LMNB1: variants seen among roughly 807,000 people sequenced by gnomAD.
LMNB1 encodes lamin B1.
A neutral mutation model predicts 67.1 loss-of-function variants in LMNB1; 23 were observed. The observed-to-expected ratio is 0.34, with a 90% CI of 0.25 to 0.49. The LOEUF (loss-of-function observed/expected upper bound fraction) is 0.49. LMNB1 is among the 20% of genes least tolerant of loss of function. LMNB1 has a pLI of 0.99. For synonymous variants in LMNB1, 281 were observed against 282.9 expected (o/e 0.99, Z 0.07); for missense variants, 634 against 746.5 (o/e 0.85, Z 1.76).
At position 126,819,306 on chromosome 5, in the gene LMNB1, G is replaced by A. The variant is rs111874049; in HGVS notation, c.1160+164G>A. On this transcript the variant is annotated intron_variant, in intron 6 of 10. Coordinates refer to ENST00000261366, the MANE Select transcript of LMNB1 (RefSeq NM_005573.4). ...TAATAGATCATATTTCTACCTCATC[G>A]CAGAAAATGTTGCTCAAGTACTCTT... 7.8e-4 allele frequency: 419 copies of A among 540,106 alleles called. 3 individuals are homozygous for A. The highest frequency in any genetic ancestry group is 6.7e-3 in the African/African-American group (353 of 52,680). The allele number at this position is 540,106 out of a possible 1,614,324, so 33.5% of individuals were successfully genotyped here. A position where few individuals can be genotyped will look rare whatever the true frequency, so the allele number is the denominator to read the frequency against.
At chr5:126,788,607 T>G (rs1258256659) in intron 1 of LMNB1, among the ~76,000 whole-genome samples, 1 of 152,086 alleles carries the variant, frequency 6.6e-6, no homozygotes, top group Non-Finnish European at 1.5e-5. Context: ...GAGCTGAGAT[T>G]GCGCCTCTGC....
At chr5:126,800,968 T>C (rs765709363) in intron 1 of LMNB1, among the ~76,000 whole-genome samples, 8 of 73,196 alleles carry the variant, frequency 1.1e-4, no homozygotes, top group African/African-American at 3.2e-4. Flanking sequence ...TATATATATA[T>C]ATATATATAT....
At chr5:126,802,361 T>C (rs889179446) in intron 1 of LMNB1, among the ~76,000 whole-genome samples, 2 of 152,234 alleles carry the variant, frequency 1.3e-5, no homozygotes, top group East Asian at 3.8e-4. Context: ...AAGTACTCTT[T>C]TACTTTTTTA....
At chr5:126,828,651 G>A (rs1042515441) in intron 9 of LMNB1, among the ~76,000 whole-genome samples, 1 of 150,360 alleles carries the variant, frequency 6.7e-6, no homozygotes, top group African/African-American at 2.4e-5. Context: ...GCACGATCTC[G>A]GCTCACTGCA....
In LMNB1 at chr5:126,777,839, A is replaced by G. The variant is rs1174271355; in HGVS notation, c.331A>G (p.Lys111Glu). 2.1e-5 allele frequency: 30 copies of G among 1,451,578 alleles called. No individual in the cohort carries two copies. Among genetic ancestry groups the G allele is most frequent in the Non-Finnish European group, 2.4e-5 (26 of 1,099,996 alleles). The allele number at this position is 1,451,578 out of a possible 1,614,324, so 89.9% of individuals were successfully genotyped here. A position where few individuals can be genotyped will look rare whatever the true frequency, so the allele number is the denominator to read the frequency against. Reference sequence around the variant, plus strand: ...GCTGCAGATCGAGCTGGGCAAGTGCAAGGCGGAACACGACCAGCTGCTCCT... The same window carrying G: ...GCTGCAGATCGAGCTGGGCAAGTGCGAGGCGGAACACGACCAGCTGCTCCT... ...AKLQIELGKC[K>E]AEHDQLLLNY... is the part of the protein sequence containing the mutation. Residue 111 changes from lysine (K) to glutamate (E), a missense_variant, in exon 1 of 11, where the codon AAG becomes GAG. Coordinates refer to ENST00000261366, the MANE Select transcript of LMNB1 (RefSeq NM_005573.4).
chr5:126,811,986 C>G (rs1751589170), intron 5 of LMNB1, 88 bp downstream of exon 5: 1 of 1,302,504 alleles, frequency 7.7e-7, no homozygotes, highest in African/African-American at 1.5e-5. Context: ...TGATGTCACT[C>G]CTCCCTCTGT....
At chr5:126,828,828 G>T (rs1752063349) in intron 9 of LMNB1, among the ~76,000 whole-genome samples, 1 of 152,028 alleles carries the variant, frequency 6.6e-6, no homozygotes, top group African/African-American at 2.4e-5. Flanking sequence ...CCAAAGTGCT[G>T]GGATTACAGG....
chr5:126,822,242 G>A (rs12514703), intron 7 of LMNB1, among the ~76,000 whole-genome samples: 8,398 of 152,226 alleles, frequency 0.055, 260 homozygotes, highest in Middle Eastern at 0.095. Flanking sequence ...CACCCGCCTT[G>A]GCCTCCTAAA....
At chr5:126,809,333 A>C (rs948929940) in intron 3 of LMNB1, among the ~76,000 whole-genome samples, 2 of 152,240 alleles carry the variant, frequency 1.3e-5, no homozygotes, top group Non-Finnish European at 2.9e-5. Context: ...TGATAGCTTA[A>C]TACCGGCTTT....
chr5:126,809,794 GTTC>G (rs1338321893), intron 3 of LMNB1, among the ~76,000 whole-genome samples: 4 of 152,206 alleles, frequency 2.6e-5, no homozygotes, highest in Non-Finnish European at 5.9e-5. Flanking sequence ...TTTCAGAGAT[GTTC>G]TTAAGATTAT....
chr5:126,821,164 C>CAATCCACA, intron 7 of LMNB1, 29 bp downstream of exon 7: 1 of 1,472,534 alleles, frequency 6.8e-7, no homozygotes, highest in Non-Finnish European at 9.5e-7. Flanking sequence ...TTTTTTCTAG[C>CAATCCACA]AAGGCTTTGT....
upstream of LMNB1, chr5:126,777,085 C>T: frequency 6.2e-6 from 1 of 160,608 alleles, no homozygotes; most frequent in Non-Finnish European, 1.4e-5. Flanking sequence ...CCTCCGCCCC[C>T]CGCGGCTTGC....
In LMNB1 at chr5:126,804,921, C is replaced by A; in HGVS notation, c.505C>A (p.Gln169Lys). 6.2e-7 allele frequency: 1 copy of A among 1,613,874 alleles called. No individual in the cohort carries two copies. Among genetic ancestry groups the A allele is most frequent in the East Asian group, 2.2e-5 (1 of 44,876 alleles). The change falls in exon 2 of 11, where the codon CAG becomes AAG. Residue 169 changes from glutamine to lysine, a missense_variant. By Grantham distance (53) the Gln-to-Lys change is moderately conservative. Coordinates refer to ENST00000261366, the MANE Select transcript of LMNB1 (RefSeq NM_005573.4). ...LEGDLEDLKDQIAQLEASLAA... is the reference protein window; with the variant it reads ...LEGDLEDLKDKIAQLEASLAA... ...GGGAGATTTGGAGGATCTGAAGGAT[C>A]AGATTGCCCAGGTAAGGTCAAGCCT... is the stretch of plus-strand genomic sequence containing the variant.
intron 3 of LMNB1, 95 bp downstream of exon 3, chr5:126,805,791 C>T: frequency 1.0e-6 from 1 of 958,438 alleles, no homozygotes; most frequent in Non-Finnish European, 1.5e-6. Flanking sequence ...TTTATGATTT[C>T]TTTGCCACAA....
chr5:126,801,002 G>A (rs1329159192), intron 1 of LMNB1, among the ~76,000 whole-genome samples: 1 of 21,446 alleles, frequency 4.7e-5, no homozygotes, highest in Non-Finnish European at 1.1e-4. Flanking sequence ...TTTTTTTTTG[G>A]TGGTAGGGTC....
rs73333443 is a variant in LMNB1 at position 126,781,476 on chromosome 5, T to C, written c.359+3609T>C. ...GTCTTCTGGCATCTAGGGTTGTTAATGTCTTTCTTTTTTTTTTGAGACGGA... is the reference window on the plus strand; with the variant it reads ...GTCTTCTGGCATCTAGGGTTGTTAACGTCTTTCTTTTTTTTTTGAGACGGA... On this transcript the variant is annotated intron_variant, in intron 1 of 10. Transcript: ENST00000261366. 6.9e-3 allele frequency among the ~76,000 whole-genome samples: 1,057 copies of C among 152,098 alleles called. 11 individuals are homozygous for C. Among genetic ancestry groups the C allele is most frequent in the African/African-American group, 0.024 (1,010 of 41,470 alleles).
chr5:126,836,001 G>A (rs1048775959), intron 10 of LMNB1, among the ~76,000 whole-genome samples: 1 of 152,046 alleles, frequency 6.6e-6, no homozygotes, highest in African/African-American at 2.4e-5. Flanking sequence ...AGCCAAGATT[G>A]CACCACTGCA....
Position 126,811,924 on chromosome 5 carries a change from G to A in LMNB1, c.939+26G>A, listed in dbSNP as rs750555781. 70 of 1,597,670 alleles carry A rather than the reference G, an allele frequency of 4.4e-5. No homozygotes were observed. In the South Asian group the frequency reaches 7.6e-4, roughly 17 times the overall value. ...GTAAATAATCATCTTTCTGTAAGAA[G>A]TTAGACTTGAAGGCTACCTTCACCA... On this transcript the variant is annotated intron_variant, in intron 5 of 10. Coordinates refer to ENST00000261366, the MANE Select transcript of LMNB1 (RefSeq NM_005573.4).
chr5:126,795,330 G>T (rs1751059814), intron 1 of LMNB1, among the ~76,000 whole-genome samples: 1 of 151,946 alleles, frequency 6.6e-6, no homozygotes, highest in Admixed American at 6.6e-5. Flanking sequence ...TAGAAATGGG[G>T]TTTCACCATG....
Sources: gnomAD v4.1 joint callset for allele counts (sites outside exome capture counted in the v4.1 genomes callset) on GRCh38, gnomAD v4.1.1 for gene constraint, MANE v1.5 for transcripts, NCBI Gene and HGNC (gene_info 2026-07-23, HGNC 2026-07-21) for gene names.